Variants in NAV2 observed in about 807,000 individuals in gnomAD.
The protein encoded by NAV2 is helicase, APC down-regulated 1.
In NAV2, 54 loss-of-function variants were observed where a neutral mutation model predicts 223.2. The ratio of observed to expected loss-of-function variants is 0.24; its 90% confidence interval spans 0.19 to 0.30. The LOEUF (loss-of-function observed/expected upper bound fraction) is 0.30, where lower values mean the gene tolerates loss of function less well. Ranked by LOEUF, NAV2 falls within the 10% of genes least tolerant of loss-of-function variation. The pLI is 1.00. For missense variants in NAV2, 2,806 were observed against 3,147.5 expected (o/e 0.89, Z 2.60); for synonymous variants, 1,279 against 1,239.3 (o/e 1.03, Z -0.67).
chr11:19,880,616 A>G (rs1295756510), intron 5 of NAV2, among the ~76,000 whole-genome samples: 3 of 152,218 alleles, frequency 2.0e-5, no homozygotes, highest in Admixed American at 6.5e-5. Flanking sequence ...GCGGGGCAGT[A>G]TCGCCTAACG....
chr11:19,612,384 G>A (rs974775766), intron 1 of NAV2, among the ~76,000 whole-genome samples: 9 of 152,216 alleles, frequency 5.9e-5, no homozygotes, highest in Non-Finnish European at 1.0e-4. Flanking sequence ...TCTCTCCCCA[G>A]ACAGTGGGTT....
intron 1 of NAV2, among the ~76,000 whole-genome samples, chr11:19,688,457 A>T (rs1043668260): frequency 2.6e-5 from 4 of 152,214 alleles, no homozygotes; most frequent in African/African-American, 9.7e-5. Flanking sequence ...CATAGGGAAA[A>T]CCTGCAGCAA....
intron 1 of NAV2, among the ~76,000 whole-genome samples, chr11:19,395,907 C>T (rs151205794): frequency 1.3e-5 from 2 of 152,210 alleles, no homozygotes; most frequent in African/African-American, 4.8e-5. Context: ...GATGCTATTC[C>T]TGTAGCAGAA....
chr11:19,513,501 G>T (rs760205177), intron 1 of NAV2, among the ~76,000 whole-genome samples: 1 of 152,180 alleles, frequency 6.6e-6, no homozygotes, highest in African/African-American at 2.4e-5. Context: ...CTGGGCCAGG[G>T]TGTGGCCTAA....
At chr11:19,945,045 C>G (rs1365227984) in intron 8 of NAV2, among the ~76,000 whole-genome samples, 1 of 141,198 alleles carries the variant, frequency 7.1e-6, no homozygotes, top group Non-Finnish European at 1.5e-5. Flanking sequence ...TTTTCTTTTT[C>G]CTTTCCTTTT....
chr11:19,957,361 T>C (rs1362219239), intron 10 of NAV2, among the ~76,000 whole-genome samples: 1 of 152,222 alleles, frequency 6.6e-6, no homozygotes, highest in African/African-American at 2.4e-5. Context: ...GCAAGTACAA[T>C]GGTCTCTTTT....
intron 1 of NAV2, among the ~76,000 whole-genome samples, chr11:19,731,725 C>T (rs762030109): frequency 5.9e-5 from 9 of 152,220 alleles, no homozygotes; most frequent in Admixed American, 2.0e-4. Flanking sequence ...CATTTAACCT[C>T]TTGAGCCTTG....
chr11:19,832,976 A>G (rs1476429002), intron 2 of NAV2, among the ~76,000 whole-genome samples: 1 of 152,200 alleles, frequency 6.6e-6, no homozygotes, highest in Admixed American at 6.5e-5. Flanking sequence ...ATTTCCAAAA[A>G]AAAAGTAACG....
At chr11:19,926,234 T>C (rs1345376411) in intron 6 of NAV2, among the ~76,000 whole-genome samples, 2 of 152,222 alleles carry the variant, frequency 1.3e-5, no homozygotes, top group Admixed American at 6.5e-5. Context: ...TTAGACTTTC[T>C]AGAAGCATAT....
intron 1 of NAV2, among the ~76,000 whole-genome samples, chr11:19,499,233 A>C (rs967008120): frequency 6.6e-6 from 1 of 152,230 alleles, no homozygotes; most frequent in Non-Finnish European, 1.5e-5. Flanking sequence ...ACCTCTTTGA[A>C]GGTACTATAA....
At chr11:19,686,065 G>A (rs2049015269) in intron 1 of NAV2, among the ~76,000 whole-genome samples, 2 of 152,064 alleles carry the variant, frequency 1.3e-5, no homozygotes, top group Admixed American at 1.3e-4. Flanking sequence ...CCTAGTACAA[G>A]CCTATTCTCC....
intron 22 of NAV2, among the ~76,000 whole-genome samples, chr11:20,074,699 G>C (rs936343631): frequency 2.1e-5 from 3 of 143,418 alleles, no homozygotes; most frequent in Non-Finnish European, 4.5e-5. Flanking sequence ...GGCCTTCTTT[G>C]TATCTTTTTA....
intron 1 of NAV2, among the ~76,000 whole-genome samples, chr11:19,742,220 T>A (rs774520929): frequency 4.6e-5 from 7 of 152,180 alleles, no homozygotes; most frequent in Non-Finnish European, 1.0e-4. Flanking sequence ...CATCGGGACT[T>A]GGGGTCAAAT....
At position 19,885,264 on chromosome 11, in the gene NAV2, A is replaced by G. The variant is rs905041543; in HGVS notation, c.770+5137A>G. Among the ~76,000 whole-genome samples the G allele has an allele frequency of 5.1e-4, 78 of 152,348 alleles. 1 individual carries two copies. The highest frequency in any genetic ancestry group is 5.0e-3 in the Admixed American group (77 of 15,302). On this transcript the variant is annotated intron_variant, in intron 5 of 37. Transcript: ENST00000349880. ...TCATTGTGCCCAAGGCCACACACAT[A>G]AAAAATGGACGAACCAGGATTTGAA... is the stretch of plus-strand genomic sequence containing the variant.
intron 1 of NAV2, among the ~76,000 whole-genome samples, chr11:19,669,429 T>A (rs2048516598): frequency 6.6e-6 from 1 of 152,252 alleles, no homozygotes; most frequent in African/African-American, 2.4e-5. Flanking sequence ...ACCCTCTCTG[T>A]GCTCAATTTT....
At chr11:19,452,388 C>G (rs1317718312) in intron 1 of NAV2, among the ~76,000 whole-genome samples, 1 of 152,038 alleles carries the variant, frequency 6.6e-6, no homozygotes, top group Non-Finnish European at 1.5e-5. Flanking sequence ...AAACAAATGA[C>G]CATATTGACC....
intron 8 of NAV2, among the ~76,000 whole-genome samples, chr11:19,944,188 A>C (rs550262338): frequency 1.4e-4 from 21 of 152,248 alleles, no homozygotes; most frequent in African/African-American, 4.8e-4. Flanking sequence ...GCGACAGAGC[A>C]AGACTCTGTC....
intron 6 of NAV2, among the ~76,000 whole-genome samples, chr11:19,921,232 T>G (rs2044250127): frequency 6.6e-6 from 1 of 152,256 alleles, no homozygotes; most frequent in Non-Finnish European, 1.5e-5. Flanking sequence ...CTCCTTTTTT[T>G]TCTTCTGTTC....
At chr11:19,907,571 A>G (rs1041354294) in intron 6 of NAV2, among the ~76,000 whole-genome samples, 7 of 152,190 alleles carry the variant, frequency 4.6e-5, no homozygotes, top group African/African-American at 1.7e-4. Flanking sequence ...AAACTAGTGA[A>G]CACTGAAAGA....
Sources: gnomAD v4.1 joint callset for allele counts (sites outside exome capture counted in the v4.1 genomes callset) on GRCh38, gnomAD v4.1.1 for gene constraint, MANE v1.5 for transcripts, NCBI Gene and HGNC (gene_info 2026-07-23, HGNC 2026-07-21) for gene names.